The following RNF6 variants were observed in gnomAD, a reference collection of about 807,000 sequenced individuals.
The protein encoded by RNF6 is ring finger protein 6.
Under a neutral mutation model 50.1 loss-of-function variants are expected in RNF6, and 21 were observed. The observed-to-expected ratio is 0.42, with a 90% CI of 0.30 to 0.60. The LOEUF is 0.60. Among genes scored for constraint, RNF6 ranks in the 20% least tolerant of loss-of-function variants. The pLI is 0.20. For missense variants in RNF6, 698 were observed against 838.2 expected, an observed-to-expected ratio of 0.83 and a Z score of 2.07; for synonymous variants, 255 against 291.8, an observed-to-expected ratio of 0.87 and a Z score of 1.29.
At chr13:26,181,280 T>C (rs1478455384) in intron 5 of RNF6, among the ~76,000 whole-genome samples, 2 of 152,150 alleles carry the variant, frequency 1.3e-5, no homozygotes. Flanking sequence ...CTCCAGGATG[T>C]GCACTCTAAA....
intron 5 of RNF6, among the ~76,000 whole-genome samples, chr13:26,143,563 G>GT (rs1751529018): frequency 6.6e-6 from 1 of 152,156 alleles, no homozygotes; most frequent in African/African-American, 2.4e-5. Flanking sequence ...ATAGCAAGTG[G>GT]TACTAGTACT....
intron 5 of RNF6, among the ~76,000 whole-genome samples, chr13:26,155,723 A>G (rs1319406082): frequency 6.6e-6 from 1 of 152,190 alleles, no homozygotes; most frequent in Non-Finnish European, 1.5e-5. Context: ...CCTTGTCAGT[A>G]GGGGAATAGA....
chr13:26,216,449 C>A (rs1869883616), intron 4 of RNF6, among the ~76,000 whole-genome samples: 1 of 152,034 alleles, frequency 6.6e-6, no homozygotes, highest in Non-Finnish European at 1.5e-5. Context: ...ACAGCAGTAT[C>A]TAGTATAAAT....
intron 5 of RNF6, among the ~76,000 whole-genome samples, chr13:26,154,679 A>G (rs1019975985): frequency 7.2e-5 from 11 of 152,196 alleles, no homozygotes; most frequent in African/African-American, 2.4e-4. Flanking sequence ...GTGTACATAT[A>G]TGTTAAGGCA....
chr13:26,186,160 G>A (rs995144329), intron 5 of RNF6, among the ~76,000 whole-genome samples: 1 of 152,150 alleles, frequency 6.6e-6, no homozygotes, highest in African/African-American at 2.4e-5. Flanking sequence ...CCCGCCTCGC[G>A]GCCCTAAAAC....
intron 5 of RNF6, among the ~76,000 whole-genome samples, chr13:26,137,509 G>A (rs1014446807): frequency 1.3e-5 from 2 of 151,986 alleles, no homozygotes; most frequent in Non-Finnish European, 1.5e-5. Flanking sequence ...TTGTCTCAAA[G>A]TCTAGACTTT....
chr13:26,176,063 A>C (rs1267663084), intron 5 of RNF6, among the ~76,000 whole-genome samples: 1 of 152,118 alleles, frequency 6.6e-6, no homozygotes, highest in Non-Finnish European at 1.5e-5. Context: ...AAGCTCTAAG[A>C]GGAGTTAAAT....
chr13:26,174,418 A>G (rs183741269), intron 5 of RNF6, among the ~76,000 whole-genome samples: 19 of 152,132 alleles, frequency 1.2e-4, no homozygotes, highest in African/African-American at 4.6e-4. Context: ...TGGGAGGCCA[A>G]AGCAGGTGGA....
At chr13:26,163,868 G>A (rs565954898) in intron 5 of RNF6, among the ~76,000 whole-genome samples, 3 of 152,208 alleles carry the variant, frequency 2.0e-5, no homozygotes, top group South Asian at 2.1e-4. Flanking sequence ...TGACCCTGCC[G>A]CTTAACAGCC....
At chr13:26,147,288 T>C (rs1199854043) in intron 5 of RNF6, among the ~76,000 whole-genome samples, 1 of 152,214 alleles carries the variant, frequency 6.6e-6, no homozygotes, top group Non-Finnish European at 1.5e-5. Flanking sequence ...GGGACTTAAG[T>C]CTGGTTATAA....
At position 26,141,729 on chromosome 13, in the gene RNF6, T is replaced by C. The variant is rs368821349; in HGVS notation, n.769-9278A>G. Among the ~76,000 whole-genome samples, 13 of 152,132 alleles carry C rather than the reference T, an allele frequency of 8.5e-5. No individual in the cohort carries two copies. The East Asian group carries it at 2.1e-3, about 25-fold the overall frequency. On this transcript the variant is annotated intron_variant and non_coding_transcript_variant, in intron 5 of 5. Transcript: ENST00000468480. Reference sequence around the variant, plus strand: ...ACCTCTCACCATATACAAAAATTAATTGAAGGTAGATTAAAGACTTAAATG... The same window carrying C: ...ACCTCTCACCATATACAAAAATTAACTGAAGGTAGATTAAAGACTTAAATG...
chr13:26,207,605 C>T (rs974513880), intron 5 of RNF6, among the ~76,000 whole-genome samples: 34 of 152,152 alleles, frequency 2.2e-4, no homozygotes, highest in African/African-American at 6.8e-4. Flanking sequence ...CTTCTTAGCC[C>T]TCAAACACAC....
chr13:26,177,839 C>T (rs542320228), intron 5 of RNF6, among the ~76,000 whole-genome samples: 99 of 152,350 alleles, frequency 6.5e-4, no homozygotes, highest in Non-Finnish European at 1.1e-3. Flanking sequence ...ATGCCCTACT[C>T]CACCATGTTA....
intron 5 of RNF6, among the ~76,000 whole-genome samples, chr13:26,146,080 A>T (rs773781719): frequency 5.3e-5 from 8 of 152,174 alleles, no homozygotes; most frequent in Non-Finnish European, 8.8e-5. Flanking sequence ...GTCCATTCAG[A>T]GATAGTGTCC....
At chr13:26,211,818 A>G (rs949063279), downstream of RNF6, among the ~76,000 whole-genome samples, 1 of 152,154 alleles carries the variant, frequency 6.6e-6, no homozygotes, top group Non-Finnish European at 1.5e-5. Context: ...CTGGGGGCAA[A>G]TTTTAACACT....
At position 26,213,916 on chromosome 13, in the gene RNF6, T is replaced by C. The variant is rs1356905978; in HGVS notation, c.1966A>G (p.Ile656Val). 5.6e-6 allele frequency: 9 copies of C among 1,614,196 alleles called. No homozygotes were observed. The highest frequency in any genetic ancestry group is 7.6e-6 in the Non-Finnish European group (9 of 1,180,032). ...GAGAGCCATCGGTCAATACAATGAA[T>C]GTGAAATTCATGCATGCAAGGTAAT... ...RQLPCMHEFHIHCIDRWLSEN... is the reference protein window; with the variant it reads ...RQLPCMHEFHVHCIDRWLSEN... The change falls in exon 5 of 5, where the codon ATT (isoleucine) becomes GTT (valine). Residue 656 changes from isoleucine (I) to valine (V), a missense_variant. Coordinates refer to ENST00000381588, the MANE Select transcript of RNF6 (RefSeq NM_005977.4).
chr13:26,156,288 A>G (rs1367401863), intron 5 of RNF6, among the ~76,000 whole-genome samples: 3 of 152,224 alleles, frequency 2.0e-5, no homozygotes, highest in South Asian at 2.1e-4. Flanking sequence ...ATCACCTTGT[A>G]AAGATTAAGG....
chr13:26,185,886 T>C (rs1325682653), intron 5 of RNF6, among the ~76,000 whole-genome samples: 1 of 152,160 alleles, frequency 6.6e-6, no homozygotes, highest in Non-Finnish European at 1.5e-5. Context: ...AGTTCCTTCC[T>C]CCCTCACATT....
chr13:26,157,860 G>A (rs1872005496), intron 5 of RNF6, among the ~76,000 whole-genome samples: 1 of 151,958 alleles, frequency 6.6e-6, no homozygotes, highest in Admixed American at 6.6e-5. Context: ...CACAGAATAA[G>A]AGATAGCATA....
Sources: allele counts gnomAD v4.1 joint callset (sites outside exome capture counted in the v4.1 genomes callset), GRCh38; gene constraint gnomAD v4.1.1; transcripts MANE v1.5; gene names NCBI Gene and HGNC (gene_info 2026-07-23, HGNC 2026-07-21).